The following ANKRD30B variants were observed in gnomAD, a reference collection of about 807,000 sequenced individuals.
The protein encoded by ANKRD30B is ankyrin repeat domain-containing protein 30B.
A neutral mutation model predicts 202.2 loss-of-function variants in ANKRD30B; 144 were observed. The ratio of observed to expected loss-of-function variants is 0.71; its 90% CI spans 0.62 to 0.82. ANKRD30B has a LOEUF of 0.82. Ranked by LOEUF, ANKRD30B falls within the 40% of genes least tolerant of loss-of-function variation. The pLI is 0.00. For synonymous variants in ANKRD30B, 508 were observed against 561.3 expected (o/e 0.91, Z 1.34); for missense variants, 1,487 against 1,669.1 (o/e 0.89, Z 1.90).
chr18:14,829,055 TTTCTC>T (rs1405603037), intron 33 of ANKRD30B, among the ~76,000 whole-genome samples: 2 of 152,122 alleles, frequency 1.3e-5, no homozygotes, highest in South Asian at 2.1e-4. Context: ...TCTAGAGTCT[TTTCTC>T]TTCTTTCATG....
chr18:14,894,216 A>G, the ANKRD30B span, among the ~76,000 whole-genome samples: 2 of 152,202 alleles, frequency 1.3e-5, no homozygotes, highest in Non-Finnish European at 2.9e-5. Context: ...CACACTTGGA[A>G]TGAAAAGTGG....
chr18:14,799,354 C>G, intron 22 of ANKRD30B, 59 bp downstream of exon 22: 1 of 1,392,188 alleles, frequency 7.2e-7, no homozygotes, highest in South Asian at 1.5e-5. Flanking sequence ...ATTTGAAATG[C>G]TGAGCACCTT....
intron 42 of ANKRD30B, among the ~76,000 whole-genome samples, chr18:14,853,429 T>A (rs1971967814): frequency 1.3e-5 from 2 of 152,310 alleles, no homozygotes; most frequent in South Asian, 4.1e-4. Context: ...TTGGAAAAAT[T>A]TCAGCAGGTG....
intron 15 of ANKRD30B, among the ~76,000 whole-genome samples, chr18:14,788,483 T>G (rs1968236321): frequency 6.6e-6 from 1 of 152,130 alleles, no homozygotes; most frequent in Non-Finnish European, 1.5e-5. Context: ...CATGCTGGTG[T>G]GCTCCACCCA....
intron 32 of ANKRD30B, among the ~76,000 whole-genome samples, chr18:14,823,418 G>C (rs920338046): frequency 6.6e-6 from 1 of 151,516 alleles, no homozygotes; most frequent in Non-Finnish European, 1.5e-5. Flanking sequence ...TTGCTGACAT[G>C]ACAGTTGTGA....
At chr18:14,925,717 G>C in the ANKRD30B span, among the ~76,000 whole-genome samples, 1 of 152,170 alleles carries the variant, frequency 6.6e-6, no homozygotes, top group Non-Finnish European at 1.5e-5. Flanking sequence ...GGCTGCCCTG[G>C]AGGCTGGGGC....
chr18:14,822,112 A>T (rs1247618130), intron 30 of ANKRD30B, among the ~76,000 whole-genome samples: 1 of 151,900 alleles, frequency 6.6e-6, no homozygotes, highest in Admixed American at 6.6e-5. Context: ...TAGCTTGGAC[A>T]TTTATTTATT....
chr18:14,868,615 C>T, the ANKRD30B span, among the ~76,000 whole-genome samples: 2 of 152,350 alleles, frequency 1.3e-5, no homozygotes, highest in South Asian at 2.1e-4. Flanking sequence ...TCCCCTGCCT[C>T]TGGGCACCCT....
the ANKRD30B span, among the ~76,000 whole-genome samples, chr18:14,937,621 C>A: frequency 6.6e-6 from 1 of 151,944 alleles, no homozygotes; most frequent in African/African-American, 2.4e-5. Flanking sequence ...CCAGGTTCCT[C>A]GAGCTTAATA....
chr18:14,820,877 T>A (rs555411363), intron 30 of ANKRD30B, among the ~76,000 whole-genome samples: 58 of 152,340 alleles, frequency 3.8e-4, no homozygotes, highest in African/African-American at 1.3e-3. Context: ...GCTGGCCTCA[T>A]AAAATGAGTT....
intron 8 of ANKRD30B, among the ~76,000 whole-genome samples, 190 bp downstream of exon 8, chr18:14,769,563 G>A (rs1916773970): frequency 6.6e-6 from 1 of 152,150 alleles, no homozygotes; most frequent in Non-Finnish European, 1.5e-5. Context: ...TATTAAACAG[G>A]CAAATGTGGT....
At chr18:14,866,635 G>A in the ANKRD30B span, among the ~76,000 whole-genome samples, 2 of 152,180 alleles carry the variant, frequency 1.3e-5, no homozygotes, top group Non-Finnish European at 2.9e-5. Flanking sequence ...TAGAAAGATG[G>A]CAGGGTAGGT....
Position 14,748,632 on chromosome 18 carries a change from G to A in ANKRD30B, c.213G>A (p.Met71Ile). ...CCGTCAACCTGAACAAAAGAGATAT[G>A]AAGAAGAGGTACCAGGCCCTGCCTG... Reference protein sequence around the residue: ...KKPVNLNKRDMKKRTALHWAC... With the variant: ...KKPVNLNKRDIKKRTALHWAC... Residue 71 changes from methionine (M) to isoleucine (I), a missense_variant, in exon 1 of 44, where the codon ATG becomes ATA. Physicochemically the swap from Met to Ile is conservative, Grantham distance 10 (BLOSUM62 1). Coordinates refer to ENST00000690538, the MANE Select transcript of ANKRD30B (RefSeq NM_001367607.2). The A allele has an allele frequency of 6.4e-7, 1 of 1,561,298 alleles. No homozygotes were observed. The highest frequency in any genetic ancestry group is 8.7e-7 in the Non-Finnish European group (1 of 1,152,934).
At position 14,829,179 on chromosome 18, in the gene ANKRD30B, T is replaced by A. The variant is rs1194506835; in HGVS notation, c.2774+871T>A. On this transcript the variant is annotated intron_variant, in intron 33 of 43. Coordinates refer to ENST00000690538, the MANE Select transcript of ANKRD30B (RefSeq NM_001367607.2). ...AGCCCCATTTTTCTATAGCTAAAATTAAAGCACATGGAATTTTAGGATTTT... is the reference window on the plus strand; with the variant it reads ...AGCCCCATTTTTCTATAGCTAAAATAAAAGCACATGGAATTTTAGGATTTT... Among the ~76,000 whole-genome samples the A allele has an allele frequency of 2.0e-5, 3 of 152,168 alleles. No homozygotes were observed. In the East Asian group the frequency reaches 5.8e-4, roughly 29 times the overall value.
the ANKRD30B span, among the ~76,000 whole-genome samples, chr18:14,866,547 C>T: frequency 6.6e-6 from 1 of 152,164 alleles, no homozygotes; most frequent in East Asian, 1.9e-4. Context: ...CCAACGCTGG[C>T]AGCTGGAGCC....
the ANKRD30B span, among the ~76,000 whole-genome samples, chr18:14,927,410 T>C: frequency 1.1e-3 from 161 of 152,168 alleles, no homozygotes; most frequent in Non-Finnish European, 2.0e-3. Context: ...GATGGTAATA[T>C]TAAGCCTGTA....
chr18:14,804,533 T>C (rs1446425161), intron 24 of ANKRD30B, among the ~76,000 whole-genome samples: 2 of 150,264 alleles, frequency 1.3e-5, no homozygotes, highest in Non-Finnish European at 3.0e-5. Context: ...TTTAGTAAGT[T>C]GTCAGGCGAT....
intron 16 of ANKRD30B, among the ~76,000 whole-genome samples, chr18:14,793,386 T>A (rs1284851432): frequency 6.6e-6 from 1 of 152,188 alleles, no homozygotes; most frequent in Non-Finnish European, 1.5e-5. Flanking sequence ...TAAAGACACA[T>A]GGTGTAGCAT....
At chr18:14,766,258 G>A (rs1447253178) in intron 7 of ANKRD30B, among the ~76,000 whole-genome samples, 2 of 151,788 alleles carry the variant, frequency 1.3e-5, no homozygotes, top group African/African-American at 4.8e-5. Flanking sequence ...AGATCATGAG[G>A]TCAGGAGATG....
Sources: allele counts gnomAD v4.1 joint callset (sites outside exome capture counted in the v4.1 genomes callset), GRCh38; gene constraint gnomAD v4.1.1; transcripts MANE v1.5; gene names NCBI Gene and HGNC (gene_info 2026-07-23, HGNC 2026-07-21).